Variants in SLC22A16 observed in about 807,000 individuals in gnomAD.
The protein encoded by SLC22A16 is WUGSC:RG331P03.1.
A neutral mutation model predicts 52.9 loss-of-function variants in SLC22A16; 53 were observed. That is an observed-to-expected ratio of 1.00 (90% CI 0.80 to 1.26). SLC22A16 has a LOEUF of 1.26. Ranked by LOEUF, SLC22A16 falls within the 50% of genes most tolerant of loss-of-function variation. The pLI is 0.00. For missense variants in SLC22A16, 726 were observed against 704.0 expected (o/e 1.03, Z -0.35); for synonymous variants, 291 against 268.8 (o/e 1.08, Z -0.81).
chr6:110,440,955 T>C (rs1488806256), intron 4 of SLC22A16, among the ~76,000 whole-genome samples: 3 of 152,194 alleles, frequency 2.0e-5, no homozygotes, highest in African/African-American at 7.2e-5. Flanking sequence ...TAGAGCAACA[T>C]GAATTCTGCT....
chr6:110,462,868 C>G (rs1313665704), intron 1 of SLC22A16, among the ~76,000 whole-genome samples: 2 of 151,950 alleles, frequency 1.3e-5, no homozygotes, highest in African/African-American at 4.8e-5. Flanking sequence ...TTAAAGGCAT[C>G]TGGAGAGAAG....
chr6:110,425,407 C>A, intron 7 of SLC22A16: 3 of 1,321,180 alleles, frequency 2.3e-6, no homozygotes, highest in Non-Finnish European at 3.0e-6. Context: ...AAAAAAGACA[C>A]TTACCCCATC....
intron 3 of SLC22A16, 59 bp downstream of exon 3, chr6:110,446,814 A>G (rs1192882446): frequency 4.2e-6 from 6 of 1,442,548 alleles, no homozygotes; most frequent in Non-Finnish European, 4.8e-6. Flanking sequence ...AAATGATGAG[A>G]GTTAAGGTTT....
intron 7 of SLC22A16, among the ~76,000 whole-genome samples, chr6:110,430,688 T>A (rs146461880): frequency 2.0e-5 from 3 of 152,350 alleles, no homozygotes; most frequent in South Asian, 2.1e-4. Flanking sequence ...TGGCTCACAC[T>A]GCTGGAGCCC....
At position 110,457,025 on chromosome 6, in the gene SLC22A16, AGAAGAAAAGC is replaced by A; in HGVS notation, c.54-18_54-9del. The A allele has an allele frequency of 6.6e-7, 1 of 1,518,100 alleles. No homozygotes were observed. The highest frequency in any genetic ancestry group is 8.8e-7 in the Non-Finnish European group (1 of 1,135,760). 94.0% of individuals were successfully genotyped at this position (1,518,100 alleles called of 1,614,324 possible). A position where few individuals can be genotyped will look rare whatever the true frequency, so the allele number is the denominator to read the frequency against. ...TAGAGGACTCTCTGGAATCTGCAAGAGAAGAAAAGCTAATTATTATATCTGGTCTATAGGC... is the reference window on the plus strand; with the variant it reads ...TAGAGGACTCTCTGGAATCTGCAAGATAATTATTATATCTGGTCTATAGGC... On this transcript the variant is annotated splice_polypyrimidine_tract_variant and intron_variant, in intron 1 of 7. Coordinates refer to ENST00000368919, the MANE Select transcript of SLC22A16 (RefSeq NM_033125.4).
At chr6:110,457,708 A>G (rs917871975) in intron 1 of SLC22A16, among the ~76,000 whole-genome samples, 5 of 152,208 alleles carry the variant, frequency 3.3e-5, no homozygotes, top group African/African-American at 1.2e-4. Flanking sequence ...ACATGGTGAG[A>G]AGTGACCAGA....
rs199594090 is a variant in SLC22A16 at position 110,458,989 on chromosome 6, A to ATG, written c.54-1974_54-1973dup. Among the ~76,000 whole-genome samples, 1,184 of 151,754 alleles carry ATG rather than the reference A, an allele frequency of 7.8e-3. 52 individuals carry two copies. Among genetic ancestry groups the ATG allele is most frequent in the Admixed American group, 0.069 (1,057 of 15,230 alleles). On this transcript the variant is annotated intron_variant, in intron 1 of 7. Coordinates refer to ENST00000368919, the MANE Select transcript of SLC22A16 (RefSeq NM_033125.4). ...CCAACTCCTATAATAAGTCTCATATATGTGTGTGTGTGTATGTGTGTGTGT... is the reference window on the plus strand; with the variant it reads ...CCAACTCCTATAATAAGTCTCATATATGTGTGTGTGTGTGTATGTGTGTGTGT...
chr6:110,474,914 G>A (rs745976782), intron 1 of SLC22A16: 3 of 518,888 alleles, frequency 5.8e-6, no homozygotes, highest in Non-Finnish European at 1.2e-5. Context: ...GGGGAACTAA[G>A]ATGTAAGTAC....
intron 2 of SLC22A16, among the ~76,000 whole-genome samples, chr6:110,455,063 T>TAC (rs1365953170): frequency 7.5e-6 from 1 of 133,846 alleles, no homozygotes; most frequent in East Asian, 2.0e-4. Flanking sequence ...ATTATATATA[T>TAC]ATATACACAC....
chr6:110,471,179 C>G (rs1302690737), intron 1 of SLC22A16, among the ~76,000 whole-genome samples: 1 of 152,148 alleles, frequency 6.6e-6, no homozygotes, highest in African/African-American at 2.4e-5. Flanking sequence ...TTACCACACC[C>G]TTTCCATGTT....
intron 2 of SLC22A16, chr6:110,453,516 T>C (rs1775463360): frequency 2.4e-6 from 1 of 423,578 alleles, no homozygotes; most frequent in Non-Finnish European, 4.7e-6. Flanking sequence ...GACAAAGAAC[T>C]TCATTACTTA....
At chr6:110,467,225 C>A (rs1776102791) in intron 1 of SLC22A16, among the ~76,000 whole-genome samples, 1 of 151,988 alleles carries the variant, frequency 6.6e-6, no homozygotes, top group Admixed American at 6.6e-5. Context: ...GATTTTCAGT[C>A]TCTTTATCCT....
At chr6:110,475,203 G>A (rs944290475) in intron 1 of SLC22A16, among the ~76,000 whole-genome samples, 1 of 152,178 alleles carries the variant, frequency 6.6e-6, no homozygotes, top group African/African-American at 2.4e-5. Flanking sequence ...TGGCCCAGCT[G>A]AGGAGCCGTC....
At chr6:110,425,370 G>A in intron 7 of SLC22A16, 1 of 1,361,932 alleles carries the variant, frequency 7.3e-7, no homozygotes, top group Non-Finnish European at 9.7e-7. Flanking sequence ...TCCTGAAGGT[G>A]CTGTCCTAGG....
At chr6:110,470,331 C>T (rs186446238) in intron 1 of SLC22A16, among the ~76,000 whole-genome samples, 8 of 152,250 alleles carry the variant, frequency 5.3e-5, no homozygotes, top group Admixed American at 2.6e-4. Context: ...ACTCAGCAAA[C>T]GACAACACAG....
At chr6:110,475,458 A>G (rs1347533368) in intron 1 of SLC22A16, among the ~76,000 whole-genome samples, 2 of 152,228 alleles carry the variant, frequency 1.3e-5, no homozygotes, top group Non-Finnish European at 2.9e-5. Context: ...CAATGATGCA[A>G]GCAGAGGAAG....
Position 110,458,140 on chromosome 6 carries a change from C to T in SLC22A16, c.54-1123G>A, listed in dbSNP as rs187341928. Among the ~76,000 whole-genome samples the T allele has an allele frequency of 5.3e-5, 8 of 152,240 alleles. No homozygotes were observed. In the East Asian group the frequency reaches 1.5e-3, roughly 29 times the overall value. ...TGATATGCAGAAATAATGGCATAAG[C>T]TGTCTCCTCTCTCTCTCTCTCTCTC... On this transcript the variant is annotated intron_variant, in intron 1 of 7. Transcript: ENST00000368919.
Position 110,435,957 on chromosome 6 carries a change from T to A in SLC22A16, c.1316A>T (p.His439Leu), listed in dbSNP as rs746451192. Residue 439 changes from histidine to leucine, a missense_variant, in exon 6 of 8, where the codon CAT becomes CTT. Transcript: ENST00000368919. ...CGVVMVIPQK[H>L]YILGVVTAMV... ...AGCTGTCACCACACCCAAAATATAATGTTTCTGAAAAAAATTTAGCAGAAT... is the reference window on the plus strand; with the variant it reads ...AGCTGTCACCACACCCAAAATATAAAGTTTCTGAAAAAAATTTAGCAGAAT... 2.5e-6 allele frequency: 4 copies of A among 1,611,534 alleles called. No homozygotes were observed. In the Admixed American group the frequency reaches 6.7e-5, roughly 27 times the overall value.
In SLC22A16 at chr6:110,424,992, C is replaced by T. The variant is rs778459211; in HGVS notation, c.1615G>A (p.Ala539Thr). 2 of 1,614,132 alleles carry T rather than the reference C, an allele frequency of 1.2e-6. No homozygotes were observed. The highest frequency in any genetic ancestry group is 2.2e-5 in the South Asian group (2 of 91,068). Residue 539 changes from alanine (A) to threonine (T), a missense_variant, in exon 8 of 8, where the codon GCT becomes ACT. Transcript: ENST00000368919. Reference protein sequence around the residue: ...GKRLATTWEEAAKLESENESK... With the variant: ...GKRLATTWEETAKLESENESK... ...TCATTCTCTGACTCCAGTTTTGCAG[C>T]CTCCTCCCAAGTAGTTGCTAGCCGT...
Sources: gnomAD v4.1 joint callset for allele counts (sites outside exome capture counted in the v4.1 genomes callset) on GRCh38, gnomAD v4.1.1 for gene constraint, MANE v1.5 for transcripts, NCBI Gene and HGNC (gene_info 2026-07-23, HGNC 2026-07-21) for gene names.